The following CCSER1 variants were observed in gnomAD, a reference collection of about 807,000 sequenced individuals.
CCSER1 encodes serine-rich coiled-coil domain-containing protein 1.
Under a neutral mutation model 82.0 loss-of-function variants are expected in CCSER1, and 41 were observed. The observed-to-expected ratio is 0.50, with a 90% CI of 0.39 to 0.65. The LOEUF (loss-of-function observed/expected upper bound fraction) is 0.65, where lower values mean the gene tolerates loss of function less well. Ranked by LOEUF, CCSER1 falls within the 30% of genes least tolerant of loss-of-function variation. The probability of loss-of-function intolerance (pLI) is 0.00; values close to 1 mark genes in which losing one functional copy is unlikely to be tolerated. For missense variants in CCSER1, 1,119 were observed against 1,064.2 expected, an observed-to-expected ratio of 1.05 and a Z score of -0.72; for synonymous variants, 414 against 383.9, an observed-to-expected ratio of 1.08 and a Z score of -0.92.
At position 90,198,860 on chromosome 4, in the gene CCSER1, G is replaced by A. The variant is rs115777451; in HGVS notation, c.-42+71029G>A. 6.4e-3 allele frequency among the ~76,000 whole-genome samples: 977 copies of A among 152,166 alleles called. 9 individuals are homozygous for A. Among genetic ancestry groups the A allele is most frequent in the African/African-American group, 0.023 (946 of 41,548 alleles). On this transcript the variant is annotated intron_variant, in intron 1 of 10. Coordinates refer to ENST00000509176, the MANE Select transcript of CCSER1 (RefSeq NM_001145065.2). Reference sequence around the variant, plus strand: ...ATAGGATAGTTATGCTAATATAAATGTTTTGAAACTTTTTAGATTATTCAA... The same window carrying A: ...ATAGGATAGTTATGCTAATATAAATATTTTGAAACTTTTTAGATTATTCAA...
chr4:90,434,150 G>A (rs1477708502), intron 4 of CCSER1, among the ~76,000 whole-genome samples: 1 of 151,726 alleles, frequency 6.6e-6, no homozygotes, highest in East Asian at 1.9e-4. Flanking sequence ...CAGAATTCTA[G>A]TTTATCCCTA....
chr4:90,556,151 A>C (rs528606978), intron 5 of CCSER1, among the ~76,000 whole-genome samples: 1 of 152,176 alleles, frequency 6.6e-6, no homozygotes, highest in South Asian at 2.1e-4. Context: ...CATTAGGCCC[A>C]TGGATCACCA....
chr4:90,233,061 T>G (rs1744951651), intron 1 of CCSER1, among the ~76,000 whole-genome samples: 1 of 151,958 alleles, frequency 6.6e-6, no homozygotes, highest in South Asian at 2.1e-4. Flanking sequence ...TGGAAGTCAG[T>G]GTGGCGATTC....
intron 10 of CCSER1, among the ~76,000 whole-genome samples, chr4:91,576,037 G>T (rs1276745671): frequency 6.6e-6 from 1 of 151,886 alleles, no homozygotes; most frequent in African/African-American, 2.4e-5. Flanking sequence ...GTATGTCAAA[G>T]AGATATTTAC....
chr4:91,229,606 C>G (rs1422915885), intron 10 of CCSER1, among the ~76,000 whole-genome samples: 1 of 152,012 alleles, frequency 6.6e-6, no homozygotes, highest in Admixed American at 6.6e-5. Flanking sequence ...CAATGATAGA[C>G]TAGATAAAGA....
chr4:90,691,916 A>G (rs2149237588), intron 6 of CCSER1, among the ~76,000 whole-genome samples: 1 of 151,740 alleles, frequency 6.6e-6, no homozygotes, highest in Admixed American at 6.6e-5. Flanking sequence ...TATGTACTCA[A>G]TAGAAACACT....
At chr4:90,654,096 C>G (rs1017419534) in intron 6 of CCSER1, among the ~76,000 whole-genome samples, 1 of 152,110 alleles carries the variant, frequency 6.6e-6, no homozygotes, top group African/African-American at 2.4e-5. Context: ...ATGATCCAGT[C>G]ACCTCCCACC....
At chr4:90,684,202 C>T (rs1436899848) in intron 6 of CCSER1, among the ~76,000 whole-genome samples, 5 of 152,014 alleles carry the variant, frequency 3.3e-5, no homozygotes, top group Non-Finnish European at 5.9e-5. Context: ...TTGGGATATA[C>T]TAATTTGCTT....
At chr4:91,378,341 A>C (rs1239108388) in intron 10 of CCSER1, among the ~76,000 whole-genome samples, 4 of 152,162 alleles carry the variant, frequency 2.6e-5, no homozygotes, top group African/African-American at 9.7e-5. Context: ...TACCTTGGGC[A>C]GTGTGGCCAT....
chr4:91,331,893 A>G (rs1241532195), intron 10 of CCSER1, among the ~76,000 whole-genome samples: 2 of 152,264 alleles, frequency 1.3e-5, no homozygotes, highest in Admixed American at 6.5e-5. Context: ...GTATCTCTCA[A>G]TAGAGACTCT....
chr4:90,790,745 AG>A (rs1003734127), intron 7 of CCSER1, among the ~76,000 whole-genome samples: 1 of 152,190 alleles, frequency 6.6e-6, no homozygotes, highest in Non-Finnish European at 1.5e-5. Flanking sequence ...ACAAGTCTCT[AG>A]GAAGTCTCAA....
intron 8 of CCSER1, among the ~76,000 whole-genome samples, chr4:90,844,629 C>A (rs115473817): frequency 4.1e-4 from 62 of 152,278 alleles, no homozygotes; most frequent in Non-Finnish European, 5.9e-4. Context: ...CACTACTCTA[C>A]ACTATTTAAA....
At chr4:91,062,884 TTTA>T (rs1744078232) in intron 9 of CCSER1, among the ~76,000 whole-genome samples, 1 of 152,082 alleles carries the variant, frequency 6.6e-6, no homozygotes, top group Non-Finnish European at 1.5e-5. Flanking sequence ...TGTACCTTGT[TTTA>T]TTGTTGTTGT....
chr4:91,158,426 T>G (rs1355447750), intron 10 of CCSER1, among the ~76,000 whole-genome samples: 1 of 151,968 alleles, frequency 6.6e-6, no homozygotes, highest in Non-Finnish European at 1.5e-5. Context: ...ATTTATTCAC[T>G]TTATCCCTAT....
intron 3 of CCSER1, among the ~76,000 whole-genome samples, chr4:90,397,462 C>A (rs1369951194): frequency 6.6e-6 from 1 of 152,142 alleles, no homozygotes; most frequent in Non-Finnish European, 1.5e-5. Context: ...TGAACAACCA[C>A]CTTGAAAACA....
intron 10 of CCSER1, among the ~76,000 whole-genome samples, chr4:91,287,267 C>A (rs1302639378): frequency 6.6e-6 from 1 of 151,816 alleles, no homozygotes; most frequent in Non-Finnish European, 1.5e-5. Flanking sequence ...AAAAATAGTT[C>A]TAATAAGTGT....
chr4:90,728,615 G>T (rs1024756464), intron 7 of CCSER1, among the ~76,000 whole-genome samples: 4 of 151,984 alleles, frequency 2.6e-5, no homozygotes, highest in Non-Finnish European at 4.4e-5. Context: ...CAGGAGGTTC[G>T]CTTGAGCTCA....
At chr4:91,130,119 G>A (rs1450669478) in intron 10 of CCSER1, 1 of 151,720 alleles carries the variant, frequency 6.6e-6, no homozygotes, top group Non-Finnish European at 1.5e-5. Context: ...CTGCAGTAAG[G>A]GGTACTGTAG....
chr4:91,496,682 A>AATAT (rs761292826), intron 10 of CCSER1, among the ~76,000 whole-genome samples: 2 of 17,104 alleles, frequency 1.2e-4, no homozygotes, highest in African/African-American at 2.4e-4. Flanking sequence ...AATATATTTG[A>AATAT]ATATATATAT....
Sources: allele counts gnomAD v4.1 joint callset (sites outside exome capture counted in the v4.1 genomes callset), GRCh38; gene constraint gnomAD v4.1.1; transcripts MANE v1.5; gene names NCBI Gene and HGNC (gene_info 2026-07-23, HGNC 2026-07-21).